TMC4: variants seen among roughly 807,000 people sequenced by gnomAD.
TMC4 encodes transmembrane channel like 4.
Under a neutral mutation model 82.0 loss-of-function variants are expected in TMC4, and 70 were observed. The observed-to-expected ratio is 0.85, with a 90% confidence interval of 0.70 to 1.04. The LOEUF (loss-of-function observed/expected upper bound fraction) is 1.04. Ranked by LOEUF, TMC4 falls within the 50% of genes least tolerant of loss-of-function variation. The pLI is 0.00. For missense variants in TMC4, 879 were observed against 899.0 expected, an observed-to-expected ratio of 0.98 and a Z score of 0.28; for synonymous variants, 446 against 406.0, an observed-to-expected ratio of 1.10 and a Z score of -1.18.
At chr19:54,160,582 C>T (rs911287107) in intron 13 of TMC4, 37 bp from the exon 14 acceptor site, 33 of 1,613,790 alleles carry the variant, frequency 2.0e-5, no homozygotes, top group Non-Finnish European at 2.8e-5. Context: ...TCCTGACACG[C>T]TCTTCCATTA....
Position 54,164,503 on chromosome 19 carries a change from C to T in TMC4, c.1044G>A (p.Leu348=). ...AGGCTGCCCCCAGGAGCGCGACCACCAGCAGGTTGAGCAGCACCCGCACCA... is the reference window on the plus strand; with the variant it reads ...AGGCTGCCCCCAGGAGCGCGACCACTAGCAGGTTGAGCAGCACCCGCACCA... The part of the protein sequence containing the change: ...VWLVRVLLNL[L]VVALLGAAFY... The change falls in exon 7 of 15, where the codon CTG becomes CTA. Residue 348 remains leucine (L), a synonymous_variant. Coordinates refer to ENST00000619895, the MANE Select transcript of TMC4 (RefSeq NM_144686.4). 1 of 1,613,956 alleles carries T rather than the reference C, an allele frequency of 6.2e-7. No individual in the cohort carries two copies. Among genetic ancestry groups the T allele is most frequent in the Admixed American group, 1.7e-5 (1 of 60,006 alleles).
chr19:54,168,279 C>A lies in TMC4; in HGVS notation c.689G>T (p.Trp230Leu), dbSNP rs1432934641. Residue 230 changes from tryptophan (W) to leucine (L), a missense_variant, in exon 5 of 15, where the codon TGG (tryptophan) becomes TTG (leucine). Transcript: ENST00000619895. ...GTAGAAGCCATAGAAGAGAGGGGAC[C>A]ATTCCAGGTAACCCTGTGGGGGGAA... is the stretch of plus-strand genomic sequence containing the variant. The part of the protein sequence containing the change: ...NLLSGEGYLE[W>L]SPLFYGFYPP... 6.4e-7 allele frequency: 1 copy of A among 1,553,916 alleles called. No individual in the cohort carries two copies.
intron 1 of TMC4, 129 bp downstream of exon 1, chr19:54,172,910 A>G: frequency 1.3e-6 from 1 of 777,302 alleles, no homozygotes; most frequent in Non-Finnish European, 2.1e-6. Flanking sequence ...CCCCCATAAT[A>G]TCAGGAAGTG....
intron 2 of TMC4, among the ~76,000 whole-genome samples, chr19:54,171,093 ACACAC>A (rs2075874259): frequency 1.3e-5 from 2 of 151,584 alleles, no homozygotes; most frequent in African/African-American, 4.9e-5. Flanking sequence ...GTATATATAT[ACACAC>A]ATATGCATAT....
At chr19:54,167,035 G>C (rs568153709) in intron 5 of TMC4, among the ~76,000 whole-genome samples, 18 of 152,082 alleles carry the variant, frequency 1.2e-4, no homozygotes, top group Non-Finnish European at 1.9e-4. Flanking sequence ...GAGGTGAGCA[G>C]ATCTCTTGAG....
Position 54,161,219 on chromosome 19 carries a change from G to A in TMC4, c.1728C>T (p.Phe576=). Residue 576 remains phenylalanine, a synonymous_variant, in exon 12 of 15, where the codon TTC becomes TTT. Transcript: ENST00000619895. ...FSTCSPAART[F]RASAANFFFP... is the part of the protein sequence containing the mutation. Reference sequence around the variant, plus strand: ...AAAAGAAATTCGCCGCGGAGGCCCGGAAGGTGCGGGCAGCCGGGGAGCAGG... The same window carrying A: ...AAAAGAAATTCGCCGCGGAGGCCCGAAAGGTGCGGGCAGCCGGGGAGCAGG... The A allele has an allele frequency of 6.3e-7, 1 of 1,586,216 alleles. No homozygotes were observed. Among genetic ancestry groups the A allele is most frequent in the East Asian group, 2.2e-5 (1 of 44,558 alleles).
intron 6 of TMC4, 78 bp downstream of exon 6, chr19:54,165,341 G>A (rs1424129077): frequency 2.8e-6 from 4 of 1,431,482 alleles, no homozygotes; most frequent in African/African-American, 1.4e-5. Context: ...CCCCATCACC[G>A]AGTTAGGCCC....
chr19:54,160,640 C>A (rs902765250), intron 13 of TMC4, 95 bp from the exon 14 acceptor site: 5 of 1,574,950 alleles, frequency 3.2e-6, no homozygotes, highest in African/African-American at 1.3e-5. Flanking sequence ...GACGCCTAAG[C>A]CCCTCCTCGT....
In TMC4 at chr19:54,160,450, G is replaced by A; in HGVS notation, c.2052+17C>T. 1.9e-6 allele frequency: 3 copies of A among 1,612,490 alleles called. No individual in the cohort carries two copies. Among genetic ancestry groups the A allele is most frequent in the South Asian group, 1.1e-5 (1 of 91,056 alleles). Reference sequence around the variant, plus strand: ...CCATGTTCCCCAGGGGCCCTCTCAGGGACCCGCCTGGCTCACCGTCTCTCT... The same window carrying A: ...CCATGTTCCCCAGGGGCCCTCTCAGAGACCCGCCTGGCTCACCGTCTCTCT... On this transcript the variant is annotated intron_variant, in intron 14 of 14. Transcript: ENST00000619895.
intron 8 of TMC4, 149 bp from the exon 9 acceptor site, chr19:54,163,308 CTTTTTTTTTT>C (rs35587690): frequency 3.4e-6 from 2 of 592,166 alleles, no homozygotes; most frequent in Middle Eastern, 5.0e-4. Context: ...TTCTTTCTTT[CTTTTTTTTTT>C]TTTTTTTTTT....
Position 54,169,523 on chromosome 19 carries a change from T to G in TMC4, c.431A>C (p.Lys144Thr). ...RSLQPWAWTL[K>T]RIGGQFGAGT... The stretch of plus-strand genomic sequence containing the variant: ...AAACCCCACCGCACCCCCGATCCTC[T>G]TCAGTGTCCACGCCCAGGGCTGCAG... Residue 144 changes from lysine to threonine, a missense_variant, in exon 3 of 15, where the codon AAG becomes ACG. Physicochemically the swap from Lys to Thr is moderately conservative, Grantham distance 78 (BLOSUM62 -1). Coordinates refer to ENST00000619895, the MANE Select transcript of TMC4 (RefSeq NM_144686.4). 5 of 1,612,304 alleles carry G rather than the reference T, an allele frequency of 3.1e-6. No homozygotes were observed. Among genetic ancestry groups the G allele is most frequent in the Non-Finnish European group, 4.2e-6 (5 of 1,179,600 alleles).
intron 10 of TMC4, 106 bp from the exon 11 acceptor site, chr19:54,162,391 G>GC: frequency 3.8e-6 from 1 of 260,496 alleles, no homozygotes; most frequent in Non-Finnish European, 5.2e-6. Flanking sequence ...ATTGGTGGTG[G>GC]GGGGGGGGGG....
intron 5 of TMC4, among the ~76,000 whole-genome samples, chr19:54,167,231 G>A (rs531576407): frequency 9.2e-5 from 14 of 152,088 alleles, no homozygotes; most frequent in Non-Finnish European, 1.5e-4. Context: ...ACCACTGCAC[G>A]CTAGCCGGGT....
Position 54,163,159 on chromosome 19 carries a change from C to T in TMC4, c.1278G>A (p.Arg426=). 1 of 1,613,742 alleles carries T rather than the reference C, an allele frequency of 6.2e-7. No individual in the cohort carries two copies. Among genetic ancestry groups the T allele is most frequent in the Non-Finnish European group, 8.5e-7 (1 of 1,179,996 alleles). The stretch of plus-strand genomic sequence containing the variant: ...GGGAGGCGAGGCGAAGAAACACGGT[C>T]CTGAAGGGGGGAAGGCAGAGAATGG... ...RSRQIVFILL[R]TVFLRLASLV... is the part of the protein sequence containing the mutation. Residue 426 remains arginine, a splice_region_variant and synonymous_variant, in exon 9 of 15, where the codon AGG becomes AGA. Coordinates refer to ENST00000619895, the MANE Select transcript of TMC4 (RefSeq NM_144686.4).
chr19:54,161,228 G>A lies in TMC4; in HGVS notation c.1719C>T (p.Ala573=). The change falls in exon 12 of 15, where the codon GCC becomes GCT. Residue 573 remains alanine, a synonymous_variant. Coordinates refer to ENST00000619895, the MANE Select transcript of TMC4 (RefSeq NM_144686.4). ...LTLFSTCSPA[A]RTFRASAANF... is the part of the protein sequence containing the mutation. Reference sequence around the variant, plus strand: ...TCGCCGCGGAGGCCCGGAAGGTGCGGGCAGCCGGGGAGCAGGTGGAGAAGA... The same window carrying A: ...TCGCCGCGGAGGCCCGGAAGGTGCGAGCAGCCGGGGAGCAGGTGGAGAAGA... 3.8e-6 allele frequency: 6 copies of A among 1,572,472 alleles called. No individual in the cohort carries two copies. The highest frequency in any genetic ancestry group is 5.2e-6 in the Non-Finnish European group (6 of 1,160,654).
Position 54,163,860 on chromosome 19 carries a change from G to C in TMC4, c.1141C>G (p.Leu381Val), listed in dbSNP as rs752067791. The part of the protein sequence containing the change: ...QEMPLVQELP[L>V]LKLGVNYLPS... ...AGGTAATTCACCCCAAGCTTCAGCA[G>C]TGGCAACTCCTGGACAAGGGGCATC... Residue 381 changes from leucine (L) to valine (V), a missense_variant, in exon 8 of 15, where the codon CTG (leucine) becomes GTG (valine). Leu to Val is a conservative substitution (Grantham distance 32). Transcript: ENST00000619895. The C allele has an allele frequency of 2.5e-6, 4 of 1,614,124 alleles. No individual in the cohort carries two copies. The African/African-American group carries it at 4.0e-5, about 16-fold the overall frequency.
At position 54,160,343 on chromosome 19, in the gene TMC4, C is replaced by T. The variant is rs199722573; in HGVS notation, c.2084G>A (p.Arg695His). 7 of 1,523,610 alleles carry T rather than the reference C, an allele frequency of 4.6e-6. No homozygotes were observed. In the Admixed American group the frequency reaches 8.8e-5, roughly 19 times the overall value. 94.4% of individuals were successfully genotyped at this position (1,523,610 alleles called of 1,614,324 possible). A position where few individuals can be genotyped will look rare whatever the true frequency, so the allele number is the denominator to read the frequency against. Residue 695 changes from arginine to histidine, a missense_variant, in exon 15 of 15, where the codon CGC becomes CAC. Coordinates refer to ENST00000619895, the MANE Select transcript of TMC4 (RefSeq NM_144686.4). The part of the protein sequence containing the change: ...EAQNKVFLAR[R>H]AVALTSTKPA... ...TTTGGTGGAGGTCAGCGCCACAGCG[C>T]GCCGTGCCAGGAAGACTTTATTCTG...
chr19:54,171,896 C>G lies in TMC4; in HGVS notation c.267G>C (p.Trp89Cys), dbSNP rs1290232096. The change falls in exon 2 of 15, where the codon TGG becomes TGC. Residue 89 changes from tryptophan to cysteine, a missense_variant. By Grantham distance (215) the Trp-to-Cys change is radical. Transcript: ENST00000619895. ...TGTGTGCCCGTCTGGCCTGCATGGG[C>G]CAGGGCAGTTCCCGGGAAGGGTGAG... Reference protein sequence around the residue: ...QDPHPSRELPWPMQARRAHRQ... With the variant: ...QDPHPSRELPCPMQARRAHRQ... 1.9e-6 allele frequency: 3 copies of G among 1,610,778 alleles called. No homozygotes were observed. The highest frequency in any genetic ancestry group is 3.3e-5 in the Admixed American group (2 of 59,776).
rs748646342 is a variant in TMC4, at chr19:54,160,963, T to C, written c.1888A>G (p.Ile630Val). The change falls in exon 13 of 15, where the codon ATT becomes GTT. Residue 630 changes from isoleucine (I) to valine (V), a missense_variant. Physicochemically the swap from Ile to Val is conservative, Grantham distance 29. Transcript: ENST00000619895. ...TGGGTGGTCTCAGGGAGGCTGGAAATAGACTCAGGGATCTGGGCCCAGATG... is the reference window on the plus strand; with the variant it reads ...TGGGTGGTCTCAGGGAGGCTGGAAACAGACTCAGGGATCTGGGCCCAGATG... ...SSIWAQIPES[I>V]SSLPETTQNF... 6 of 1,613,884 alleles carry C rather than the reference T, an allele frequency of 3.7e-6. No individual in the cohort carries two copies. The highest frequency in any genetic ancestry group is 5.1e-6 in the Non-Finnish European group (6 of 1,179,988).
Sources: allele counts gnomAD v4.1 joint callset (sites outside exome capture counted in the v4.1 genomes callset), GRCh38; gene constraint gnomAD v4.1.1; transcripts MANE v1.5; gene names NCBI Gene and HGNC (gene_info 2026-07-23, HGNC 2026-07-21).